Variants in RSPO4 observed in about 807,000 individuals in gnomAD.
RSPO4 encodes R-spondin-4.
In RSPO4, 23 loss-of-function variants were observed where a neutral mutation model predicts 24.8. That is an observed-to-expected ratio of 0.93 (90% CI 0.67 to 1.31). The LOEUF is 1.31. Ranked by LOEUF, RSPO4 falls within the 40% of genes most tolerant of loss-of-function variation. The pLI is 0.00. For missense variants in RSPO4, 333 were observed against 316.5 expected, an observed-to-expected ratio of 1.05 and a Z score of -0.39; for synonymous variants, 141 against 127.4, an observed-to-expected ratio of 1.11 and a Z score of -0.72.
At chr20:978,769 G>A (rs1035414344) in intron 1 of RSPO4, among the ~76,000 whole-genome samples, 8 of 152,130 alleles carry the variant, frequency 5.3e-5, no homozygotes, top group Admixed American at 6.5e-5. Flanking sequence ...GAGGCCAGGA[G>A]CAGGACTAGT....
intron 1 of RSPO4, among the ~76,000 whole-genome samples, chr20:984,048 T>C (rs1484383239): frequency 2.0e-5 from 3 of 152,070 alleles, no homozygotes; most frequent in Non-Finnish European, 4.4e-5. Context: ...TAAGAAAGCT[T>C]AGAAATAGGC....
chr20:964,768 A>G (rs1185697091), intron 3 of RSPO4, among the ~76,000 whole-genome samples: 4 of 143,058 alleles, frequency 2.8e-5, no homozygotes, highest in African/African-American at 1.1e-4. Context: ...ATATATACAC[A>G]CACACACACA....
At position 981,388 on chromosome 20, in the gene RSPO4, G is replaced by A. The variant is rs529810251; in HGVS notation, c.80-13250C>T. ...AAAAATACAAAAATCAGCTGGGCGT[G>A]GTGGTGCACACCTGTAATCCCAGCT... On this transcript the variant is annotated intron_variant, in intron 1 of 4. Coordinates refer to ENST00000217260, the MANE Select transcript of RSPO4 (RefSeq NM_001029871.4). The surrounding 1 kb of genome is among the most constrained non-coding windows in gnomAD (Gnocchi z 4.6). 2.6e-5 allele frequency among the ~76,000 whole-genome samples: 4 copies of A among 152,252 alleles called. No homozygotes were observed. The East Asian group carries it at 7.7e-4, about 29-fold the overall frequency.
In RSPO4 at chr20:970,253, C is replaced by T. The variant is rs553749152; in HGVS notation, c.80-2115G>A. 6.6e-6 allele frequency among the ~76,000 whole-genome samples: 1 copy of T among 152,236 alleles called. No individual in the cohort carries two copies. The highest frequency in any genetic ancestry group is 2.1e-4 in the South Asian group (1 of 4,820). ...GCCCAGCCCTGGCTGAGGCCTTTCT[C>T]TCTCCCTTCCATCCCTCAGTCCCTC... On this transcript the variant is annotated intron_variant, in intron 1 of 4. Transcript: ENST00000217260. This position sits in a 1 kb window ranked among gnomAD's most constrained non-coding sequence, Gnocchi z 4.1.
Position 963,194 on chromosome 20 carries a change from C to T in RSPO4, c.595+741G>A, listed in dbSNP as rs75904281. Reference sequence around the variant, plus strand: ...CGGGATCCAGCGTGGGACAGTCCCCCGCAAAGACGAGCTGTCCCCCTGTTC... The same window carrying T: ...CGGGATCCAGCGTGGGACAGTCCCCTGCAAAGACGAGCTGTCCCCCTGTTC... On this transcript the variant is annotated intron_variant, in intron 4 of 4. Coordinates refer to ENST00000217260, the MANE Select transcript of RSPO4 (RefSeq NM_001029871.4). 9.8e-3 allele frequency among the ~76,000 whole-genome samples: 1,490 copies of T among 152,288 alleles called. 11 individuals are homozygous for T. The highest frequency in any genetic ancestry group is 0.017 in the Middle Eastern group (5 of 294).
At chr20:976,060 GAA>G (rs1984552119) in intron 1 of RSPO4, among the ~76,000 whole-genome samples, 1 of 152,126 alleles carries the variant, frequency 6.6e-6, no homozygotes, top group Non-Finnish European at 1.5e-5. Context: ...ATCACTCATT[GAA>G]TGAGATCCCT....
rs1984240301 is a variant in RSPO4 at position 967,244 on chromosome 20, CAAGT to C, written c.335_338del (p.Tyr112CysfsTer113). On this transcript the variant is annotated frameshift_variant, in exon 3 of 5. Transcript: ENST00000217260. LOFTEE classifies it high-confidence loss of function. ...AGGTGGGCAGACACTTCCCCTTGTA[CAAGT>C]AAAACTGCCTCTTGCACCGGATGCA... 5.0e-6 allele frequency: 8 copies of C among 1,614,102 alleles called. No individual in the cohort carries two copies. Among genetic ancestry groups the C allele is most frequent in the Non-Finnish European group, 6.8e-6 (8 of 1,180,038 alleles).
At chr20:960,790 G>A (rs1221888010) in intron 4 of RSPO4, among the ~76,000 whole-genome samples, 1 of 152,198 alleles carries the variant, frequency 6.6e-6, no homozygotes, top group Non-Finnish European at 1.5e-5. Flanking sequence ...TGGCCTCATG[G>A]GAGTCCCCAT....
At chr20:969,969 C>T (rs1984358357) in intron 1 of RSPO4, among the ~76,000 whole-genome samples, 1 of 152,178 alleles carries the variant, frequency 6.6e-6, no homozygotes, top group South Asian at 2.1e-4. Context: ...CTCTCAGATG[C>T]TCCCCTCTTC....
chr20:968,650 A>G (rs1273669779), intron 1 of RSPO4, among the ~76,000 whole-genome samples: 2 of 152,224 alleles, frequency 1.3e-5, no homozygotes, highest in Non-Finnish European at 2.9e-5. Flanking sequence ...AGCAAACTTA[A>G]TCTTTACCAA....
At chr20:989,229 TAG>T (rs1568928032) in intron 1 of RSPO4, among the ~76,000 whole-genome samples, 1 of 151,988 alleles carries the variant, frequency 6.6e-6, no homozygotes. Flanking sequence ...CCCCTGGAAG[TAG>T]AGAGATGGGA....
intron 1 of RSPO4, among the ~76,000 whole-genome samples, chr20:979,775 G>A (rs148769528): frequency 3.3e-3 from 501 of 152,260 alleles, no homozygotes; most frequent in Non-Finnish European, 4.1e-3. Flanking sequence ...ATTTGGGGTC[G>A]CTTTATGTAT....
chr20:974,772 A>T (rs1415400245), intron 1 of RSPO4, among the ~76,000 whole-genome samples: 1 of 152,212 alleles, frequency 6.6e-6, no homozygotes, highest in South Asian at 2.1e-4. Flanking sequence ...GAGGCCATAC[A>T]GCAGAAACAG....
Position 970,455 on chromosome 20 carries a change from T to C in RSPO4, c.80-2317A>G, listed in dbSNP as rs1984372350. Among the ~76,000 whole-genome samples the C allele has an allele frequency of 6.6e-6, 1 of 152,098 alleles. No homozygotes were observed. The highest frequency in any genetic ancestry group is 2.4e-5 in the African/African-American group (1 of 41,394). ...ACGGAAGCACACAGTAACTAAAGTG[T>C]ACCCTGGGATGCTGTTCCCAAGCAA... On this transcript the variant is annotated intron_variant, in intron 1 of 4. Coordinates refer to ENST00000217260, the MANE Select transcript of RSPO4 (RefSeq NM_001029871.4). The surrounding 1 kb of genome is among the most constrained non-coding windows in gnomAD (Gnocchi z 4.1).
At chr20:979,636 A>G (rs1359797732) in intron 1 of RSPO4, among the ~76,000 whole-genome samples, 1 of 151,872 alleles carries the variant, frequency 6.6e-6, no homozygotes, top group Non-Finnish European at 1.5e-5. Flanking sequence ...CTGGAGAGTT[A>G]CAGCTTGGAG....
rs117337756 is a variant in RSPO4, at chr20:981,693, C to T, written c.80-13555G>A. 1.6e-4 allele frequency among the ~76,000 whole-genome samples: 24 copies of T among 152,258 alleles called. No individual in the cohort carries two copies. The East Asian group carries it at 4.1e-3, about 26-fold the overall frequency. On this transcript the variant is annotated intron_variant, in intron 1 of 4. Transcript: ENST00000217260. The surrounding 1 kb of genome is among the most constrained non-coding windows in gnomAD (Gnocchi z 4.6). ...AGGAAGGGCTGGGTTCATGTGTGCC[C>T]GACATGTGTGTGTTTGGGGGACAGG... is the stretch of plus-strand genomic sequence containing the variant.
At chr20:987,314 A>G (rs6140882) in intron 1 of RSPO4, among the ~76,000 whole-genome samples, 52,241 of 152,054 alleles carry the variant, frequency 0.34, 14,575 homozygotes, top group African/African-American at 0.77. Flanking sequence ...CAAATGACAC[A>G]TCTCTTATGA....
rs531525130 is a variant in RSPO4, at chr20:964,106, C to T, written c.424G>A (p.Gly142Ser). 4.5e-5 allele frequency: 73 copies of T among 1,612,596 alleles called. No individual in the cohort carries two copies. Among genetic ancestry groups the T allele is most frequent in the Admixed American group, 1.7e-4 (10 of 59,986 alleles). Residue 142 changes from glycine (G) to serine (S), a missense_variant, in exon 4 of 5, where the codon GGT becomes AGT. Coordinates refer to ENST00000217260, the MANE Select transcript of RSPO4 (RefSeq NM_001029871.4). ...CAGGGGCTCCAGCCGCCCCAGGGAC[C>T]CAGTTCACACTCCCCTGTGGGGTGA... Reference protein sequence around the residue: ...TRECQGECELGPWGGWSPCTH... With the variant: ...TRECQGECELSPWGGWSPCTH...
chr20:968,286 A>T, intron 1 of RSPO4, 148 bp from the exon 2 acceptor site: 1 of 698,268 alleles, frequency 1.4e-6, no homozygotes, highest in Non-Finnish European at 2.5e-6. Flanking sequence ...CTTCCCTTAC[A>T]ACTAGATATG....
Sources: gnomAD v4.1 joint callset for allele counts (sites outside exome capture counted in the v4.1 genomes callset) on GRCh38, gnomAD v4.1.1 for gene constraint, Gnocchi (gnomAD v3.1) non-coding constraint, MANE v1.5 for transcripts, NCBI Gene and HGNC (gene_info 2026-07-23, HGNC 2026-07-21) for gene names.